Variants in OPCML observed in about 807,000 individuals in gnomAD.
The protein encoded by OPCML is opioid binding protein/cell adhesion molecule like.
A neutral mutation model predicts 37.8 loss-of-function variants in OPCML; 13 were observed. That is an observed-to-expected ratio of 0.34 (90% CI 0.22 to 0.55). OPCML has a LOEUF of 0.55. Among genes scored for constraint, OPCML ranks in the 20% least tolerant of loss-of-function variants. The probability of loss-of-function intolerance (pLI) is 0.91; values close to 1 mark genes in which losing one functional copy is unlikely to be tolerated. For missense variants in OPCML, 341 were observed against 435.6 expected (o/e 0.78, Z 1.93); for synonymous variants, 176 against 168.8 (o/e 1.04, Z -0.33).
chr11:133,149,818 C>G lies in OPCML; in HGVS notation c.62-206808G>C, dbSNP rs544049030. 6.6e-5 allele frequency among the ~76,000 whole-genome samples: 10 copies of G among 152,340 alleles called. No individual in the cohort carries two copies. In the South Asian group the frequency reaches 1.7e-3, roughly 25 times the overall value. On this transcript the variant is annotated intron_variant, in intron 1 of 7. Transcript: ENST00000524381. ...CAACAGCAGACATCCAATTTGGATC[C>G]AAAGCCTGACCATTCACAGGAGGAT...
intron 2 of OPCML, among the ~76,000 whole-genome samples, chr11:132,761,223 G>A (rs975426436): frequency 6.8e-6 from 1 of 146,426 alleles, no homozygotes; most frequent in South Asian, 2.1e-4. Context: ...CTCTGGCTGC[G>A]CTTAACTTTT....
intron 3 of OPCML, among the ~76,000 whole-genome samples, chr11:132,631,352 C>CAAATAT (rs1940097754): frequency 7.0e-6 from 1 of 142,756 alleles, no homozygotes; most frequent in Admixed American, 7.1e-5. Flanking sequence ...ACCATATATA[C>CAAATAT]ATATATATAT....
intron 2 of OPCML, among the ~76,000 whole-genome samples, chr11:132,737,965 A>G (rs1358351320): frequency 1.3e-5 from 2 of 152,218 alleles, no homozygotes; most frequent in African/African-American, 4.8e-5. Flanking sequence ...ACCTCTATAA[A>G]TCGCCCCCAG....
chr11:132,493,844 G>T (rs960926088), intron 4 of OPCML, among the ~76,000 whole-genome samples: 1 of 152,248 alleles, frequency 6.6e-6, no homozygotes, highest in Non-Finnish European at 1.5e-5. Flanking sequence ...AGGCATAGGA[G>T]CTTGTTTATC....
chr11:133,166,972 T>C (rs1288172447), intron 1 of OPCML, among the ~76,000 whole-genome samples: 2 of 152,166 alleles, frequency 1.3e-5, no homozygotes, highest in Non-Finnish European at 2.9e-5. Flanking sequence ...AGTGTTTTGT[T>C]TTCCCTGTCC....
intron 2 of OPCML, among the ~76,000 whole-genome samples, chr11:132,812,265 T>A (rs1015606467): frequency 6.6e-6 from 1 of 152,136 alleles, no homozygotes; most frequent in Admixed American, 6.5e-5. Context: ...TTGCAAAGTA[T>A]AGATCAGTTT....
chr11:133,129,977 CA>C (rs1307481773), intron 1 of OPCML, among the ~76,000 whole-genome samples: 5 of 151,042 alleles, frequency 3.3e-5, no homozygotes, highest in African/African-American at 4.9e-5. Flanking sequence ...AAAAATCAGT[CA>C]ATTAAAAAAA....
intron 2 of OPCML, among the ~76,000 whole-genome samples, chr11:132,843,742 TATC>T (rs1197870572): frequency 6.6e-6 from 1 of 152,254 alleles, no homozygotes; most frequent in Non-Finnish European, 1.5e-5. Context: ...TAGAAAAATC[TATC>T]ATCACTGCGA....
At chr11:133,004,786 T>G in intron 1 of OPCML, 1 of 985,412 alleles carries the variant, frequency 1.0e-6, no homozygotes, top group Non-Finnish European at 1.2e-6. Context: ...CACACTGCCT[T>G]CCTTCCACCA....
intron 1 of OPCML, among the ~76,000 whole-genome samples, chr11:133,292,248 C>T (rs773417619): frequency 8.6e-5 from 13 of 152,018 alleles, no homozygotes; most frequent in Non-Finnish European, 1.6e-4. Flanking sequence ...CTCTTTTCTC[C>T]AAGAGTAATA....
chr11:133,236,889 A>G (rs1940541240), intron 1 of OPCML, among the ~76,000 whole-genome samples: 1 of 152,204 alleles, frequency 6.6e-6, no homozygotes, highest in Admixed American at 6.5e-5. Flanking sequence ...CGGACATAGC[A>G]GTAGGGAGGA....
At chr11:133,094,551 T>C (rs11223361) in intron 1 of OPCML, among the ~76,000 whole-genome samples, 12,005 of 152,230 alleles carry the variant, frequency 0.079, 522 homozygotes, top group Middle Eastern at 0.12. Context: ...AAACAAAAAT[T>C]TGCTCAGAAG....
chr11:133,342,587 G>C (rs950245113), intron 1 of OPCML, among the ~76,000 whole-genome samples: 1 of 152,198 alleles, frequency 6.6e-6, no homozygotes, highest in African/African-American at 2.4e-5. Context: ...AGAGGGACCC[G>C]TGCGGAGGTT....
At chr11:133,160,461 G>A (rs1457510032) in intron 1 of OPCML, among the ~76,000 whole-genome samples, 1 of 152,322 alleles carries the variant, frequency 6.6e-6, no homozygotes, top group East Asian at 1.9e-4. Context: ...GATTGTTCTG[G>A]AAACTGACCT....
intron 1 of OPCML, among the ~76,000 whole-genome samples, chr11:133,158,441 C>G (rs974649568): frequency 2.0e-4 from 30 of 152,106 alleles, no homozygotes; most frequent in African/African-American, 7.2e-4. Context: ...GTGGCTCACG[C>G]CTGTAATACC....
Position 133,174,640 on chromosome 11 carries a change from A to G in OPCML, c.62-231630T>C, listed in dbSNP as rs62815360. On this transcript the variant is annotated intron_variant, in intron 1 of 7. Coordinates refer to ENST00000524381, the MANE Select transcript of OPCML (RefSeq NM_001012393.5). This position sits in a 1 kb window ranked among gnomAD's most constrained non-coding sequence, Gnocchi z 4.6. ...AATGCTCATGGAATGCTGTTTAGTG[A>G]AAAAAAAAAAAAAAAAAAGCAGGGG... Among the ~76,000 whole-genome samples, 586 of 22,910 alleles carry G rather than the reference A, an allele frequency of 0.026. 1 individual carries two copies. Among genetic ancestry groups the G allele is most frequent in the African/African-American group, 0.097 (310 of 3,180 alleles). 15.0% of individuals were successfully genotyped at this position (22,910 alleles called of 152,430 possible).
chr11:133,496,311 TAC>T (rs1418907818), intron 1 of OPCML, among the ~76,000 whole-genome samples: 1 of 152,172 alleles, frequency 6.6e-6, no homozygotes, highest in African/African-American at 2.4e-5. Context: ...GGCCTAATAG[TAC>T]AGTTTGAAAT....
chr11:132,513,423 A>T (rs1303421191), intron 4 of OPCML, among the ~76,000 whole-genome samples: 2 of 152,106 alleles, frequency 1.3e-5, no homozygotes, highest in African/African-American at 4.8e-5. Flanking sequence ...GCTTACATTA[A>T]TTTTTGTTTT....
chr11:132,893,339 G>A (rs1390228505), intron 2 of OPCML, among the ~76,000 whole-genome samples: 2 of 152,190 alleles, frequency 1.3e-5, no homozygotes, highest in Admixed American at 6.5e-5. Flanking sequence ...AAATACAGAC[G>A]CTTGACCATG....
Sources: allele counts gnomAD v4.1 joint callset (sites outside exome capture counted in the v4.1 genomes callset), GRCh38; gene constraint gnomAD v4.1.1; non-coding constraint Gnocchi (gnomAD v3.1); transcripts MANE v1.5; gene names NCBI Gene and HGNC (gene_info 2026-07-23, HGNC 2026-07-21).